RASGRP1: variants seen among roughly 807,000 people sequenced by gnomAD.
The protein encoded by RASGRP1 is RAS guanyl releasing protein 1.
A neutral mutation model predicts 95.1 loss-of-function variants in RASGRP1; 37 were observed. The ratio of observed to expected loss-of-function variants is 0.39; its 90% confidence interval spans 0.30 to 0.51. RASGRP1 has a LOEUF of 0.51. RASGRP1 is among the 20% of genes least tolerant of loss of function. RASGRP1 has a pLI of 0.80. For missense variants in RASGRP1, 711 were observed against 965.4 expected (o/e 0.74, Z 3.49); for synonymous variants, 325 against 353.4 (o/e 0.92, Z 0.90).
At position 38,564,739 on chromosome 15, in the gene RASGRP1, G is replaced by A. The variant is rs1241933706; in HGVS notation, c.-111C>T. The A allele has an allele frequency of 2.2e-5, 21 of 943,386 alleles. No homozygotes were observed. Among genetic ancestry groups the A allele is most frequent in the Non-Finnish European group, 2.7e-5 (20 of 754,072 alleles). The allele number at this position is 943,386 out of a possible 1,614,324, so 58.4% of individuals were successfully genotyped here. A position where few individuals can be genotyped will look rare whatever the true frequency, so the allele number is the denominator to read the frequency against. Reference sequence around the variant, plus strand: ...GGCTCTCTCCCCCCCGGGCCTCGTAGCCCCGGCGCCCGCCAGCCCTCGAGC... The same window carrying A: ...GGCTCTCTCCCCCCCGGGCCTCGTAACCCCGGCGCCCGCCAGCCCTCGAGC... On this transcript the variant is annotated 5_prime_UTR_variant, in exon 1 of 17. Transcript: ENST00000310803.
chr15:38,501,448 A>G (rs766438611), intron 12 of RASGRP1, 161 bp from the exon 13 acceptor site: 4 of 852,856 alleles, frequency 4.7e-6, no homozygotes, highest in Admixed American at 2.0e-5. Flanking sequence ...ACTCTTAACA[A>G]GGATACAAGA....
At chr15:38,546,259 C>T (rs1401124319) in intron 2 of RASGRP1, among the ~76,000 whole-genome samples, 3 of 152,074 alleles carry the variant, frequency 2.0e-5, no homozygotes, top group Admixed American at 2.0e-4. Context: ...CGCTCTGTCA[C>T]CAGGCTGGAG....
At chr15:38,554,267 T>C (rs756250989) in intron 2 of RASGRP1, among the ~76,000 whole-genome samples, 7 of 152,168 alleles carry the variant, frequency 4.6e-5, no homozygotes, top group Non-Finnish European at 8.8e-5. Context: ...TACAATTCTC[T>C]ATTAGTTAAA....
intron 2 of RASGRP1, among the ~76,000 whole-genome samples, chr15:38,553,170 G>C (rs1893406623): frequency 1.3e-5 from 2 of 152,098 alleles, no homozygotes; most frequent in African/African-American, 4.8e-5. Context: ...GCCACTCTAG[G>C]GCAAGCCCAA....
chr15:38,528,268 A>C (rs1892307008), intron 2 of RASGRP1, among the ~76,000 whole-genome samples: 1 of 151,912 alleles, frequency 6.6e-6, no homozygotes, highest in Admixed American at 6.6e-5. Flanking sequence ...ACAAAACCTT[A>C]AACTCTCATC....
intron 11 of RASGRP1, chr15:38,502,707 C>G (rs571340415): frequency 3.0e-5 from 9 of 296,780 alleles, no homozygotes; most frequent in South Asian, 1.8e-4. Flanking sequence ...GGATGTTCTC[C>G]TTTCACTCTA....
rs1205871067 is a variant in RASGRP1 at position 38,542,860 on chromosome 15, TAC to T, written c.221-16458_221-16457del. Among the ~76,000 whole-genome samples the T allele has an allele frequency of 4.2e-3, 517 of 122,462 alleles. 6 individuals are homozygous for T. The highest frequency in any genetic ancestry group is 0.017 in the African/African-American group (490 of 28,612). The allele number at this position is 122,462 out of a possible 152,430, so 80.3% of individuals were successfully genotyped here. On this transcript the variant is annotated intron_variant, in intron 2 of 16. Coordinates refer to ENST00000310803, the MANE Select transcript of RASGRP1 (RefSeq NM_005739.4). ...GTATATATATATATGTGTATATATA[TAC>T]ACATATATGTGTATATATATACACA...
intron 2 of RASGRP1, among the ~76,000 whole-genome samples, chr15:38,548,497 TG>T (rs1220432323): frequency 6.6e-6 from 1 of 152,172 alleles, no homozygotes; most frequent in East Asian, 1.9e-4. Flanking sequence ...TCACTTGAGC[TG>T]GGAAGGCAGA....
At chr15:38,530,210 C>T (rs1488735604) in intron 2 of RASGRP1, among the ~76,000 whole-genome samples, 1 of 152,134 alleles carries the variant, frequency 6.6e-6, no homozygotes, top group African/African-American at 2.4e-5. Flanking sequence ...TTCCTTGGGC[C>T]AGTAGGCTAG....
intron 6 of RASGRP1, among the ~76,000 whole-genome samples, chr15:38,513,900 C>T (rs1021763801): frequency 2.0e-5 from 3 of 152,150 alleles, no homozygotes; most frequent in Admixed American, 1.3e-4. Flanking sequence ...TGAGTGGAAG[C>T]GATGTAACTT....
chr15:38,554,640 G>C lies in RASGRP1; in HGVS notation c.220+5181C>G, dbSNP rs866599491. ...GAAGGCAGACCAGCGTGGAGAACTGGTGATGCCTGCTCATCAAAGATGCAG... is the reference window on the plus strand; with the variant it reads ...GAAGGCAGACCAGCGTGGAGAACTGCTGATGCCTGCTCATCAAAGATGCAG... On this transcript the variant is annotated intron_variant, in intron 2 of 16. Coordinates refer to ENST00000310803, the MANE Select transcript of RASGRP1 (RefSeq NM_005739.4). Among the ~76,000 whole-genome samples, 206 of 152,302 alleles carry C rather than the reference G, an allele frequency of 1.4e-3. 1 individual carries two copies. Among genetic ancestry groups the C allele is most frequent in the African/African-American group, 4.8e-3 (198 of 41,558 alleles).
chr15:38,539,187 G>A (rs1279108647), intron 2 of RASGRP1, among the ~76,000 whole-genome samples: 1 of 152,090 alleles, frequency 6.6e-6, no homozygotes, highest in Non-Finnish European at 1.5e-5. Context: ...AGATACCACT[G>A]CCTCTCACCC....
chr15:38,519,400 C>G (rs374904488), intron 3 of RASGRP1, 29 bp from the exon 4 acceptor site: 1 of 1,475,152 alleles, frequency 6.8e-7, no homozygotes, highest in Non-Finnish European at 9.4e-7. Flanking sequence ...GAAATGGAGA[C>G]CTCTGTTACA....
chr15:38,533,460 T>C (rs1217656411), intron 2 of RASGRP1, among the ~76,000 whole-genome samples: 3 of 152,224 alleles, frequency 2.0e-5, no homozygotes, highest in Non-Finnish European at 4.4e-5. Flanking sequence ...TAAATCCTGT[T>C]TGGAGACTGT....
intron 10 of RASGRP1, among the ~76,000 whole-genome samples, chr15:38,505,598 A>T (rs1202061065): frequency 6.7e-6 from 1 of 148,938 alleles, no homozygotes; most frequent in Non-Finnish European, 1.5e-5. Context: ...ACTGTTCACT[A>T]GTTATTCACT....
At chr15:38,515,878 T>C (rs1355374124) in intron 6 of RASGRP1, among the ~76,000 whole-genome samples, 3 of 114,914 alleles carry the variant, frequency 2.6e-5, no homozygotes, top group Non-Finnish European at 5.5e-5. Flanking sequence ...GAGGGTAGAA[T>C]GAGAGAGACA....
At chr15:38,504,796 A>T (rs962140168) in intron 10 of RASGRP1, 9 of 152,156 alleles carry the variant, frequency 5.9e-5, no homozygotes, top group African/African-American at 2.2e-4. Context: ...AATCACAGAC[A>T]TAGTGAGTAA....
intron 16 of RASGRP1, among the ~76,000 whole-genome samples, chr15:38,493,241 G>C (rs562753401): frequency 2.8e-4 from 38 of 136,234 alleles, no homozygotes; most frequent in Admixed American, 6.3e-4. Flanking sequence ...GCCGTGGCTT[G>C]GTCTCAGCTC....
chr15:38,550,778 G>A (rs535920817), intron 2 of RASGRP1, among the ~76,000 whole-genome samples: 10 of 152,236 alleles, frequency 6.6e-5, no homozygotes, highest in African/African-American at 2.4e-4. Context: ...AGAGAATCAA[G>A]AAAGGCACAC....
Sources: allele counts gnomAD v4.1 joint callset (sites outside exome capture counted in the v4.1 genomes callset), GRCh38; gene constraint gnomAD v4.1.1; transcripts MANE v1.5; gene names NCBI Gene and HGNC (gene_info 2026-07-23, HGNC 2026-07-21).